The following MRRF variants were observed in gnomAD, a reference collection of about 807,000 sequenced individuals.
MRRF encodes the protein ribosome-recycling factor, mitochondrial.
In MRRF, 18 loss-of-function variants were observed where a neutral mutation model predicts 25.1. The ratio of observed to expected loss-of-function variants is 0.72; its 90% confidence interval spans 0.50 to 1.06. The LOEUF (loss-of-function observed/expected upper bound fraction) is 1.06, where lower values mean the gene tolerates loss of function less well. MRRF is among the 50% of genes least tolerant of loss of function. The probability of loss-of-function intolerance (pLI) is 0.00; values close to 1 mark genes in which losing one functional copy is unlikely to be tolerated. For missense variants in MRRF, 323 were observed against 319.3 expected (o/e 1.01, Z -0.09); for synonymous variants, 113 against 112.1 (o/e 1.01, Z -0.05).
intron 2 of MRRF, among the ~76,000 whole-genome samples, chr9:122,277,954 G>T (rs1191452927): frequency 6.6e-6 from 1 of 151,712 alleles, no homozygotes; most frequent in Non-Finnish European, 1.5e-5. Flanking sequence ...ATACTTATGG[G>T]GTATATGTGA....
chr9:122,278,396 CTAT>C (rs1832904193), intron 2 of MRRF, among the ~76,000 whole-genome samples: 1 of 152,142 alleles, frequency 6.6e-6, no homozygotes, highest in Non-Finnish European at 1.5e-5. Flanking sequence ...TTGCAGATAA[CTAT>C]TATTCTGACT....
In MRRF at chr9:122,308,528, G is replaced by A. The variant is rs1026901653; in HGVS notation, c.552-4699G>A. On this transcript the variant is annotated intron_variant, in intron 5 of 6. Transcript: ENST00000344641. ...AGCCTGGCCAACATGGCGAAACCCC[G>A]TCTCTACTAAAAATACAAAAATTAT... Among the ~76,000 whole-genome samples the A allele has an allele frequency of 9.3e-5, 14 of 150,986 alleles. No homozygotes were observed. In the East Asian group the frequency reaches 2.6e-3, roughly 28 times the overall value.
chr9:122,273,765 A>G (rs1297132511), intron 2 of MRRF, among the ~76,000 whole-genome samples: 1 of 152,128 alleles, frequency 6.6e-6, no homozygotes, highest in African/African-American at 2.4e-5. Context: ...ACCACAGATT[A>G]GTTTTGTCCT....
chr9:122,299,225 C>T (rs779573768), intron 5 of MRRF, among the ~76,000 whole-genome samples: 7 of 151,388 alleles, frequency 4.6e-5, no homozygotes, highest in Non-Finnish European at 8.8e-5. Context: ...ACCCTGTCTC[C>T]ACTACAAAAA....
rs1564522694 is a variant in MRRF at position 122,325,883 on chromosome 9, A to G, written c.*3266A>G. 1 of 151,978 alleles carries G rather than the reference A, an allele frequency of 6.6e-6. No individual in the cohort carries two copies. Among genetic ancestry groups the G allele is most frequent in the African/African-American group, 2.4e-5 (1 of 41,300 alleles). The allele number at this position is 151,978 out of a possible 1,614,324, so 9.4% of individuals were successfully genotyped here. A position where few individuals can be genotyped will look rare whatever the true frequency, so the allele number is the denominator to read the frequency against. On this transcript the variant is annotated 3_prime_UTR_variant, in exon 7 of 7. Transcript: ENST00000344641. ...TCTGTCGCCCATCATGCAGTGGCACAATCATAGCTCACTGCAGCCTTGAAC... is the reference window on the plus strand; with the variant it reads ...TCTGTCGCCCATCATGCAGTGGCACGATCATAGCTCACTGCAGCCTTGAAC...
At chr9:122,271,113 T>C in intron 2 of MRRF, 38 bp downstream of exon 2, 1 of 1,566,912 alleles carries the variant, frequency 6.4e-7, no homozygotes, top group East Asian at 2.2e-5. Context: ...TTCACCCCTT[T>C]CTTATAGTTG....
At chr9:122,277,497 A>G (rs1413306877) in intron 2 of MRRF, among the ~76,000 whole-genome samples, 4 of 152,046 alleles carry the variant, frequency 2.6e-5, no homozygotes, top group Non-Finnish European at 5.9e-5. Flanking sequence ...TGTCATTTTG[A>G]TCCATTTATA....
At chr9:122,307,621 C>A (rs959596277) in intron 5 of MRRF, among the ~76,000 whole-genome samples, 1 of 152,148 alleles carries the variant, frequency 6.6e-6, no homozygotes, top group African/African-American at 2.4e-5. Context: ...GTACTTATCC[C>A]CCATTATTTC....
chr9:122,329,476 T>C lies in MRRF; in HGVS notation c.*6859T>C, dbSNP rs1298286379. On this transcript the variant is annotated 3_prime_UTR_variant, in exon 7 of 7. Coordinates refer to ENST00000344641, the MANE Select transcript of MRRF (RefSeq NM_138777.5). ...CCATACCGATGCCTCTCCTGATCCC[T>C]AAACCTGCCTATGCCTATTAAGCGC... 1.3e-5 allele frequency: 2 copies of C among 152,250 alleles called. No homozygotes were observed. The highest frequency in any genetic ancestry group is 4.8e-5 in the African/African-American group (2 of 41,470). 9.4% of individuals were successfully genotyped at this position (152,250 alleles called of 1,614,324 possible). A position where few individuals can be genotyped will look rare whatever the true frequency, so the allele number is the denominator to read the frequency against.
chr9:122,265,401 T>G, intron 1 of MRRF: 2 of 246,338 alleles, frequency 8.1e-6, no homozygotes, highest in South Asian at 8.6e-5. Context: ...AGTTGTCATT[T>G]CAGTAGCCCT....
chr9:122,318,245 C>G (rs1276912333), intron 6 of MRRF, among the ~76,000 whole-genome samples: 1 of 152,154 alleles, frequency 6.6e-6, no homozygotes, highest in Admixed American at 6.6e-5. Context: ...CTTCCCAACC[C>G]GCATTCCAGG....
rs1045597142 is a variant in MRRF, at chr9:122,318,101, A to C, written c.712-4439A>C. ...CAGTGAGCCGAAATCGCGCCACTACATTCCAGCCTGGGTGACAGAGCGAGA... is the reference window on the plus strand; with the variant it reads ...CAGTGAGCCGAAATCGCGCCACTACCTTCCAGCCTGGGTGACAGAGCGAGA... On this transcript the variant is annotated intron_variant, in intron 6 of 6. Transcript: ENST00000344641. Among the ~76,000 whole-genome samples, 6 of 152,146 alleles carry C rather than the reference A, an allele frequency of 3.9e-5. No homozygotes were observed. In the East Asian group the frequency reaches 9.6e-4, roughly 24 times the overall value.
intron 1 of MRRF, among the ~76,000 whole-genome samples, chr9:122,267,077 A>C (rs1171837685): frequency 2.7e-5 from 4 of 150,224 alleles, no homozygotes; most frequent in Non-Finnish European, 5.9e-5. Context: ...CTCAAAAAAA[A>C]AAAAAAAGAA....
intron 5 of MRRF, 40 bp downstream of exon 5, chr9:122,291,880 G>T (rs1340365784): frequency 1.4e-6 from 2 of 1,453,052 alleles, no homozygotes; most frequent in East Asian, 2.3e-5. Context: ...ATGAAACGGG[G>T]TGGTTGTCCT....
At chr9:122,314,412 G>A (rs1835386665) in intron 6 of MRRF, among the ~76,000 whole-genome samples, 1 of 152,102 alleles carries the variant, frequency 6.6e-6, no homozygotes, top group Non-Finnish European at 1.5e-5. Context: ...AAGTCACATG[G>A]GCCAAGCTCA....
chr9:122,301,014 A>T (rs1834414088), intron 5 of MRRF, among the ~76,000 whole-genome samples: 1 of 152,156 alleles, frequency 6.6e-6, no homozygotes. Context: ...AAGCTTCAAG[A>T]TCGTTAGATA....
At chr9:122,283,146 T>G (rs1032756557) in intron 3 of MRRF, among the ~76,000 whole-genome samples, 2 of 148,662 alleles carry the variant, frequency 1.3e-5, no homozygotes, top group Admixed American at 6.9e-5. Context: ...AGGAGTGGAG[T>G]GCAATGGCGC....
intron 1 of MRRF, among the ~76,000 whole-genome samples, chr9:122,269,531 C>T (rs1374760710): frequency 6.6e-6 from 1 of 152,028 alleles, no homozygotes; most frequent in Non-Finnish European, 1.5e-5. Flanking sequence ...TCAAGACCAG[C>T]CTGGGCAACA....
intron 4 of MRRF, among the ~76,000 whole-genome samples, chr9:122,288,526 C>T (rs1051620747): frequency 2.0e-5 from 3 of 152,236 alleles, no homozygotes; most frequent in African/African-American, 7.2e-5. Flanking sequence ...AAAGCCTGTG[C>T]TCCTTTCACC....
Sources: allele counts gnomAD v4.1 joint callset (sites outside exome capture counted in the v4.1 genomes callset), GRCh38; gene constraint gnomAD v4.1.1; transcripts MANE v1.5; gene names NCBI Gene and HGNC (gene_info 2026-07-23, HGNC 2026-07-21).